The following GAB4 variants were observed in gnomAD, a reference collection of about 807,000 sequenced individuals.
The protein encoded by GAB4 is GRB2-associated-binding protein 4.
In GAB4, 26 loss-of-function variants were observed where a neutral mutation model predicts 51.3. That is an observed-to-expected ratio of 0.51 (90% CI 0.37 to 0.70). The LOEUF (loss-of-function observed/expected upper bound fraction) is 0.70. Among genes scored for constraint, GAB4 ranks in the 30% least tolerant of loss-of-function variants. The pLI is 0.00. For synonymous variants in GAB4, 329 were observed against 291.2 expected (o/e 1.13, Z -1.32); for missense variants, 759 against 734.6 (o/e 1.03, Z -0.38).
At chr22:16,965,609 C>T (rs2060665940) in intron 6 of GAB4, among the ~76,000 whole-genome samples, 1 of 152,148 alleles carries the variant, frequency 6.6e-6, no homozygotes, top group African/African-American at 2.4e-5. Context: ...GGATTTAGTC[C>T]CCATGCCTGC....
At chr22:16,967,399 T>C (rs1227061091) in intron 5 of GAB4, 6 of 152,568 alleles carry the variant, frequency 3.9e-5, no homozygotes, top group African/African-American at 1.4e-4. Flanking sequence ...AGACCCATCA[T>C]CCACCTCAAG....
intron 3 of GAB4, among the ~76,000 whole-genome samples, chr22:16,986,059 A>C (rs2060864430): frequency 1.3e-5 from 2 of 152,242 alleles, no homozygotes; most frequent in African/African-American, 4.8e-5. Context: ...GGAGGAAGGA[A>C]TACAGAAAGT....
chr22:16,980,828 T>C (rs2060821338), intron 3 of GAB4, among the ~76,000 whole-genome samples: 1 of 151,996 alleles, frequency 6.6e-6, no homozygotes, highest in Admixed American at 6.6e-5. Context: ...TATGCAGCCA[T>C]AAAAAAGAAT....
chr22:16,973,992 T>C (rs899504707), intron 3 of GAB4, among the ~76,000 whole-genome samples: 3 of 152,192 alleles, frequency 2.0e-5, no homozygotes, highest in African/African-American at 7.2e-5. Context: ...CTATATCAGG[T>C]AAAAGGTAAT....
At chr22:16,999,251 C>T (rs1277494441) in intron 1 of GAB4, among the ~76,000 whole-genome samples, 2 of 152,208 alleles carry the variant, frequency 1.3e-5, no homozygotes, top group Non-Finnish European at 2.9e-5. Context: ...TAGAATTCGG[C>T]TGTGAATCCA....
chr22:17,008,213 G>T lies in GAB4; in HGVS notation c.-99C>A, dbSNP rs892414877. On this transcript the variant is annotated 5_prime_UTR_variant, in exon 1 of 10. Transcript: ENST00000400588. Reference sequence around the variant, plus strand: ...GGCTTGCGATACCCTGGGACTGCGGGGTAGAAAGCGCAGTTCTAGGGGAGG... The same window carrying T: ...GGCTTGCGATACCCTGGGACTGCGGTGTAGAAAGCGCAGTTCTAGGGGAGG... 1 of 851,890 alleles carries T rather than the reference G, an allele frequency of 1.2e-6. No individual in the cohort carries two copies. 52.8% of individuals were successfully genotyped at this position (851,890 alleles called of 1,614,324 possible).
intron 1 of GAB4, among the ~76,000 whole-genome samples, chr22:16,996,180 G>A (rs1365122523): frequency 2.0e-5 from 3 of 151,306 alleles, no homozygotes; most frequent in Non-Finnish European, 4.4e-5. Flanking sequence ...ATCAATAGCC[G>A]AATTGATCAA....
chr22:16,992,914 T>A (rs2060925209), intron 1 of GAB4, among the ~76,000 whole-genome samples: 1 of 152,124 alleles, frequency 6.6e-6, no homozygotes, highest in Non-Finnish European at 1.5e-5. Context: ...TTTGCAGAGA[T>A]GGGGTCTCAC....
chr22:16,966,352 G>A lies in GAB4; in HGVS notation c.1036C>T (p.Leu346Phe). ...GVCSFLPGRTLVGLSDSIASE... is the reference protein window; with the variant it reads ...GVCSFLPGRTFVGLSDSIASE... ...GCAATGCTGTCTGACAGGCCCACAAGCGTTCTTCCTGGCTAGGAAGAGGAC... is the reference window on the plus strand; with the variant it reads ...GCAATGCTGTCTGACAGGCCCACAAACGTTCTTCCTGGCTAGGAAGAGGAC... The change falls in exon 6 of 10, where the codon CTT becomes TTT. Residue 346 changes from leucine (L) to phenylalanine (F), a missense_variant. Leu to Phe is a conservative substitution (Grantham distance 22). Around this residue, in one of 3 missense-constraint regions of GAB4, gnomAD observed 588 missense variants for 510.2 expected, o/e 1.15. Coordinates refer to ENST00000400588, the MANE Select transcript of GAB4 (RefSeq NM_001037814.1). The A allele has an allele frequency of 6.2e-7, 1 of 1,611,630 alleles. No homozygotes were observed. The highest frequency in any genetic ancestry group is 8.5e-7 in the Non-Finnish European group (1 of 1,178,482).
intron 3 of GAB4, among the ~76,000 whole-genome samples, chr22:16,976,317 G>A (rs1172393630): frequency 6.6e-6 from 1 of 152,154 alleles, no homozygotes; most frequent in African/African-American, 2.4e-5. Context: ...GTTCAGAGAA[G>A]AACATAAATG....
intron 4 of GAB4, chr22:16,969,647 G>A (rs1268704935): frequency 3.1e-6 from 2 of 642,916 alleles, no homozygotes; most frequent in Admixed American, 5.1e-5. Flanking sequence ...CTGCAGGAAG[G>A]GTATTCCGCC....
chr22:16,974,284 A>G (rs2060758445), intron 3 of GAB4, among the ~76,000 whole-genome samples: 1 of 152,230 alleles, frequency 6.6e-6, no homozygotes, highest in South Asian at 2.1e-4. Context: ...GAAGCTGCAT[A>G]AAACAGGTAA....
At chr22:16,999,458 T>C in intron 1 of GAB4, among the ~76,000 whole-genome samples, 1 of 152,206 alleles carries the variant, frequency 6.6e-6, no homozygotes, top group Admixed American at 6.6e-5. Context: ...CTGGTGGTAG[T>C]TTGTATTTCT....
At chr22:16,963,640 T>A (rs2060647140) in intron 9 of GAB4, 85 bp downstream of exon 9, 1 of 915,936 alleles carries the variant, frequency 1.1e-6, no homozygotes, top group Non-Finnish European at 1.7e-6. Flanking sequence ...AGCAGCCCAG[T>A]GCTGCCGGTG....
At chr22:17,006,820 G>A (rs1249968876) in intron 1 of GAB4, among the ~76,000 whole-genome samples, 1 of 152,092 alleles carries the variant, frequency 6.6e-6, no homozygotes, top group Admixed American at 6.6e-5. Flanking sequence ...GAACATATGG[G>A]CACAGGGACG....
intron 3 of GAB4, among the ~76,000 whole-genome samples, chr22:16,981,011 G>GT (rs2060822889): frequency 1.3e-5 from 2 of 152,202 alleles, no homozygotes; most frequent in South Asian, 4.2e-4. Context: ...CTGTCAAGGG[G>GT]TGGGGAGATA....
intron 3 of GAB4, among the ~76,000 whole-genome samples, chr22:16,986,681 G>A (rs1333839683): frequency 6.6e-6 from 1 of 152,196 alleles, no homozygotes; most frequent in Non-Finnish European, 1.5e-5. Flanking sequence ...CCTGGTCTGG[G>A]ACTCAGGAGA....
intron 3 of GAB4, among the ~76,000 whole-genome samples, chr22:16,975,930 G>A (rs920529084): frequency 6.6e-6 from 1 of 152,178 alleles, no homozygotes; most frequent in African/African-American, 2.4e-5. Flanking sequence ...AGCTGCAGCA[G>A]AGGGGTCTGA....
chr22:16,983,581 T>C (rs1429899671), intron 3 of GAB4, among the ~76,000 whole-genome samples: 1 of 152,220 alleles, frequency 6.6e-6, no homozygotes, highest in African/African-American at 2.4e-5. Context: ...CAAAACAGCA[T>C]GGCACTGACT....
Sources: gnomAD v4.1 joint callset for allele counts (sites outside exome capture counted in the v4.1 genomes callset) on GRCh38, gnomAD v4.1.1 for gene constraint, gnomAD v4.1.1 regional missense constraint, MANE v1.5 for transcripts, NCBI Gene and HGNC (gene_info 2026-07-23, HGNC 2026-07-21) for gene names.